Variants in MARCHF11 observed in about 807,000 individuals in gnomAD.
MARCHF11 encodes E3 ubiquitin-protein ligase MARCHF11.
Under a neutral mutation model 37.3 loss-of-function variants are expected in MARCHF11, and 29 were observed. The observed-to-expected ratio is 0.78, with a 90% confidence interval of 0.58 to 1.06. The LOEUF is 1.06. MARCHF11 is among the 50% of genes least tolerant of loss of function. MARCHF11 has a pLI of 0.00. For missense variants in MARCHF11, 482 were observed against 533.4 expected (o/e 0.90, Z 0.95); for synonymous variants, 233 against 228.0 (o/e 1.02, Z -0.20).
chr5:16,077,608 C>A (rs1237592029), intron 3 of MARCHF11, among the ~76,000 whole-genome samples: 1 of 152,124 alleles, frequency 6.6e-6, no homozygotes, highest in Admixed American at 6.5e-5. Context: ...ATTTGTAACT[C>A]TTCTATTTCA....
chr5:16,175,599 T>C (rs1267183047), intron 2 of MARCHF11, among the ~76,000 whole-genome samples: 1 of 152,202 alleles, frequency 6.6e-6, no homozygotes, highest in African/African-American at 2.4e-5. Context: ...CATAGATTTG[T>C]CATGAAGATT....
chr5:16,130,277 C>T (rs1219402205), intron 2 of MARCHF11, among the ~76,000 whole-genome samples: 1 of 151,856 alleles, frequency 6.6e-6, no homozygotes, highest in Non-Finnish European at 1.5e-5. Flanking sequence ...CACACACACA[C>T]ACACAAAAGA....
chr5:16,110,248 T>C (rs1010184782), intron 2 of MARCHF11, among the ~76,000 whole-genome samples: 5 of 152,168 alleles, frequency 3.3e-5, no homozygotes. Flanking sequence ...ATATATACAA[T>C]TTTAAAGGTC....
At chr5:16,175,767 G>A (rs1738344700) in intron 2 of MARCHF11, among the ~76,000 whole-genome samples, 1 of 152,180 alleles carries the variant, frequency 6.6e-6, no homozygotes, top group Non-Finnish European at 1.5e-5. Context: ...ACGTAGTCCT[G>A]GAAAGTTATT....
Position 16,067,465 on chromosome 5 carries a change from C to A in MARCHF11, c.*6G>T, listed in dbSNP as rs760258743. On this transcript the variant is annotated 3_prime_UTR_variant, in exon 4 of 4. Coordinates refer to ENST00000332432, the MANE Select transcript of MARCHF11 (RefSeq NM_001102562.3). The stretch of plus-strand genomic sequence containing the variant: ...GTGGTCCACACTGCATCATCTTATG[C>A]TTTTGTCACACTGAAGTCACTCTCA... 1 of 1,611,128 alleles carries A rather than the reference C, an allele frequency of 6.2e-7. No homozygotes were observed. Among genetic ancestry groups the A allele is most frequent in the Non-Finnish European group, 8.5e-7 (1 of 1,177,646 alleles).
intron 3 of MARCHF11, among the ~76,000 whole-genome samples, chr5:16,068,297 T>G (rs1298842989): frequency 2.6e-5 from 4 of 152,194 alleles, no homozygotes; most frequent in African/African-American, 4.8e-5. Context: ...TAAATTTTGT[T>G]ATTTGTACTC....
At chr5:16,077,656 T>G (rs925734137) in intron 3 of MARCHF11, among the ~76,000 whole-genome samples, 3 of 152,220 alleles carry the variant, frequency 2.0e-5, no homozygotes, top group African/African-American at 7.2e-5. Context: ...ATTAAAACTA[T>G]TAATGAAATT....
chr5:16,078,049 TTTA>T (rs1339410648), intron 3 of MARCHF11, among the ~76,000 whole-genome samples: 1 of 152,270 alleles, frequency 6.6e-6, no homozygotes, highest in South Asian at 2.1e-4. Context: ...ATAGCTTCAC[TTTA>T]TTGTTTATAT....
intron 2 of MARCHF11, among the ~76,000 whole-genome samples, chr5:16,157,521 A>G (rs1166825200): frequency 6.6e-6 from 1 of 151,922 alleles, no homozygotes; most frequent in Non-Finnish European, 1.5e-5. Context: ...CACAACAGAG[A>G]GCCCAGAAAT....
At chr5:16,114,252 CCTT>C (rs1352164095) in intron 2 of MARCHF11, among the ~76,000 whole-genome samples, 1 of 152,182 alleles carries the variant, frequency 6.6e-6, no homozygotes, top group African/African-American at 2.4e-5. Context: ...ATACAATCCT[CCTT>C]CTTAATTCTA....
At chr5:16,155,060 A>AG (rs1176239691) in intron 2 of MARCHF11, among the ~76,000 whole-genome samples, 1 of 151,918 alleles carries the variant, frequency 6.6e-6, no homozygotes, top group Non-Finnish European at 1.5e-5. Flanking sequence ...GAGGAAAATG[A>AG]GAAACTATCT....
At chr5:16,145,787 C>T (rs1195527790) in intron 2 of MARCHF11, among the ~76,000 whole-genome samples, 1 of 152,090 alleles carries the variant, frequency 6.6e-6, no homozygotes, top group Non-Finnish European at 1.5e-5. Context: ...GAATCACCAT[C>T]TCCATATTTC....
chr5:16,149,882 A>G (rs1267015986), intron 2 of MARCHF11, among the ~76,000 whole-genome samples: 10 of 152,112 alleles, frequency 6.6e-5, no homozygotes, highest in Admixed American at 3.9e-4. Context: ...GCTGCACTCA[A>G]CCATGCAGAT....
chr5:16,167,983 G>A (rs1738198823), intron 2 of MARCHF11, among the ~76,000 whole-genome samples: 1 of 152,042 alleles, frequency 6.6e-6, no homozygotes, highest in Non-Finnish European at 1.5e-5. Context: ...TGTAGAACAT[G>A]AGTAAAATCA....
At chr5:16,160,835 A>G (rs1408758239) in intron 2 of MARCHF11, among the ~76,000 whole-genome samples, 1 of 151,962 alleles carries the variant, frequency 6.6e-6, no homozygotes, top group Non-Finnish European at 1.5e-5. Context: ...AAAAAAATAC[A>G]TAGAAATGTC....
chr5:16,161,204 G>C (rs917708056), intron 2 of MARCHF11, among the ~76,000 whole-genome samples: 1 of 116,298 alleles, frequency 8.6e-6, no homozygotes, highest in Non-Finnish European at 1.6e-5. Flanking sequence ...CCCCAGAAAG[G>C]TTTTAAACTT....
At chr5:16,110,641 A>G (rs76017381) in intron 2 of MARCHF11, among the ~76,000 whole-genome samples, 1 of 152,198 alleles carries the variant, frequency 6.6e-6, no homozygotes, top group Non-Finnish European at 1.5e-5. Context: ...CCCAAGGTCA[A>G]ACACCTAATG....
intron 2 of MARCHF11, among the ~76,000 whole-genome samples, chr5:16,137,665 A>C (rs1156273541): frequency 6.6e-6 from 1 of 152,170 alleles, no homozygotes; most frequent in Non-Finnish European, 1.5e-5. Context: ...TGATGTGAGA[A>C]AGTTTGGCAC....
chr5:16,165,167 A>G (rs1738148275), intron 2 of MARCHF11, among the ~76,000 whole-genome samples: 2 of 152,106 alleles, frequency 1.3e-5, no homozygotes, highest in Non-Finnish European at 2.9e-5. Context: ...ATCAACCTTT[A>G]GGTCTAATCT....
Sources: allele counts gnomAD v4.1 joint callset (sites outside exome capture counted in the v4.1 genomes callset), GRCh38; gene constraint gnomAD v4.1.1; transcripts MANE v1.5; gene names NCBI Gene and HGNC (gene_info 2026-07-23, HGNC 2026-07-21).